BACH2: variants seen among roughly 807,000 people sequenced by gnomAD.
BACH2 encodes the protein BACH transcriptional regulator 2.
In BACH2, 5 loss-of-function variants were observed where a neutral mutation model predicts 61.8. That is an observed-to-expected ratio of 0.08 (90% confidence interval 0.04 to 0.17). The LOEUF is 0.17. BACH2 is among the 10% of genes least tolerant of loss of function. The pLI, the probability that BACH2 is intolerant of heterozygous loss-of-function variation, is 1.00. For missense variants in BACH2, 824 were observed against 1,091.1 expected, an observed-to-expected ratio of 0.76 and a Z score of 3.45; for synonymous variants, 446 against 440.1, an observed-to-expected ratio of 1.01 and a Z score of -0.17.
At chr6:90,030,051 C>A (rs1184324309) in intron 5 of BACH2, among the ~76,000 whole-genome samples, 1 of 152,216 alleles carries the variant, frequency 6.6e-6, no homozygotes. Flanking sequence ...AATCCAGAAA[C>A]ACATTGCCCA....
intron 4 of BACH2, among the ~76,000 whole-genome samples, chr6:90,152,172 CA>C (rs1784834082): frequency 6.6e-6 from 1 of 152,198 alleles, no homozygotes; most frequent in South Asian, 2.1e-4. Context: ...AGAAAGGAGG[CA>C]GAAGGTAACC....
chr6:89,989,361 G>A lies in BACH2; in HGVS notation c.243+19241C>T, dbSNP rs151255844. On this transcript the variant is annotated intron_variant, in intron 6 of 8. Coordinates refer to ENST00000257749, the MANE Select transcript of BACH2 (RefSeq NM_021813.4). ...CTTGACTTTCTGTTTCTATGAATTT[G>A]AGTACTTTAGGTATGTCACATAAAT... Among the ~76,000 whole-genome samples, 397 of 152,210 alleles carry A rather than the reference G, an allele frequency of 2.6e-3. 2 individuals are homozygous for A. Among genetic ancestry groups the A allele is most frequent in the South Asian group, 0.012 (56 of 4,810 alleles).
intron 2 of BACH2, among the ~76,000 whole-genome samples, chr6:90,269,803 C>A (rs1771463144): frequency 6.6e-6 from 1 of 152,024 alleles, no homozygotes; most frequent in South Asian, 2.1e-4. Flanking sequence ...AGCTGATGGC[C>A]CCGGTGAGTG....
intron 1 of BACH2, among the ~76,000 whole-genome samples, chr6:90,296,216 G>A (rs927475860): frequency 4.3e-4 from 66 of 152,058 alleles, no homozygotes; most frequent in African/African-American, 1.5e-3. Context: ...AATGCGCCTC[G>A]GCCGCCGTAA....
intron 5 of BACH2, among the ~76,000 whole-genome samples, chr6:90,071,240 G>A (rs1484380583): frequency 6.6e-6 from 1 of 152,184 alleles, no homozygotes; most frequent in Non-Finnish European, 1.5e-5. Context: ...TCCTTCTGTG[G>A]GCATGAGACC....
chr6:90,110,112 A>G (rs1783104406), intron 4 of BACH2, among the ~76,000 whole-genome samples: 1 of 152,208 alleles, frequency 6.6e-6, no homozygotes, highest in Non-Finnish European at 1.5e-5. Flanking sequence ...CATATCTGGT[A>G]CTACCTTCAA....
chr6:90,291,727 T>C (rs1300832522), intron 1 of BACH2, among the ~76,000 whole-genome samples: 1 of 152,024 alleles, frequency 6.6e-6, no homozygotes, highest in African/African-American at 2.4e-5. Context: ...AATATTTACA[T>C]AAAATTTAAA....
At position 90,189,481 on chromosome 6, in the gene BACH2, G is replaced by A. The variant is rs565615094; in HGVS notation, c.-162+17088C>T. Among the ~76,000 whole-genome samples the A allele has an allele frequency of 3.3e-5, 5 of 152,076 alleles. No individual in the cohort carries two copies. In the East Asian group the frequency reaches 7.8e-4, roughly 24 times the overall value. On this transcript the variant is annotated intron_variant, in intron 4 of 8. Coordinates refer to ENST00000257749, the MANE Select transcript of BACH2 (RefSeq NM_021813.4). ...AAATTAGCCGGGCGCGGTGGCGGGC[G>A]CCCGTAGTCCCAGCTACTCGGGAGG...
At chr6:90,167,904 A>G (rs1204832596) in intron 4 of BACH2, among the ~76,000 whole-genome samples, 1 of 152,178 alleles carries the variant, frequency 6.6e-6, no homozygotes, top group Non-Finnish European at 1.5e-5. Context: ...TGAAAAGACA[A>G]TTGGGCTCTC....
chr6:90,264,986 T>C (rs1034575527), intron 2 of BACH2, among the ~76,000 whole-genome samples: 4 of 152,240 alleles, frequency 2.6e-5, no homozygotes, highest in Middle Eastern at 3.2e-3. Flanking sequence ...ACAAGAATGC[T>C]TTTTCAAATG....
At chr6:90,119,251 A>C (rs570728367) in intron 4 of BACH2, among the ~76,000 whole-genome samples, 1 of 152,292 alleles carries the variant, frequency 6.6e-6, no homozygotes, top group Non-Finnish European at 1.5e-5. Context: ...TACATTTTAA[A>C]ATGATTCAGT....
intron 4 of BACH2, among the ~76,000 whole-genome samples, chr6:90,170,803 T>G (rs1409206133): frequency 6.6e-6 from 1 of 152,156 alleles, no homozygotes; most frequent in Non-Finnish European, 1.5e-5. Flanking sequence ...CTAAAAATGC[T>G]GAGTACTAAA....
intron 4 of BACH2, among the ~76,000 whole-genome samples, chr6:90,187,800 A>T (rs886073899): frequency 7.2e-5 from 11 of 152,226 alleles, no homozygotes; most frequent in African/African-American, 2.2e-4. Context: ...CTTTTACATT[A>T]GTGGTTTCAT....
intron 7 of BACH2, among the ~76,000 whole-genome samples, chr6:89,943,503 A>C (rs1773558849): frequency 6.6e-6 from 1 of 152,124 alleles, no homozygotes; most frequent in Non-Finnish European, 1.5e-5. Context: ...AGACAAAAGA[A>C]GGGAAAAAAA....
intron 4 of BACH2, among the ~76,000 whole-genome samples, chr6:90,197,844 T>C (rs1768811489): frequency 6.6e-6 from 1 of 152,216 alleles, no homozygotes; most frequent in South Asian, 2.1e-4. Context: ...GGCACTCCTC[T>C]TTAAATCCTC....
intron 6 of BACH2, among the ~76,000 whole-genome samples, chr6:89,967,443 G>A (rs1262486457): frequency 6.6e-6 from 1 of 152,160 alleles, no homozygotes; most frequent in African/African-American, 2.4e-5. Context: ...GTATTTGGAT[G>A]GAATTTTAGT....
intron 6 of BACH2, chr6:90,001,098 CTTA>C (rs1246764922): frequency 3.9e-5 from 6 of 152,206 alleles, no homozygotes; most frequent in Non-Finnish European, 8.8e-5. Context: ...TAGGATGTGA[CTTA>C]TTGAGTCTGG....
At chr6:90,188,042 T>G (rs1768421319) in intron 4 of BACH2, among the ~76,000 whole-genome samples, 1 of 152,162 alleles carries the variant, frequency 6.6e-6, no homozygotes, top group Admixed American at 6.5e-5. Context: ...GTTGCTGTCA[T>G]CAAGCCTAAA....
chr6:90,014,187 T>G (rs12527154), intron 5 of BACH2, among the ~76,000 whole-genome samples: 1 of 151,732 alleles, frequency 6.6e-6, no homozygotes, highest in African/African-American at 2.4e-5. Context: ...TTTTCTTACA[T>G]AGTTTTTCTG....
Sources: gnomAD v4.1 joint callset for allele counts (sites outside exome capture counted in the v4.1 genomes callset) on GRCh38, gnomAD v4.1.1 for gene constraint, MANE v1.5 for transcripts, NCBI Gene and HGNC (gene_info 2026-07-23, HGNC 2026-07-21) for gene names.